Variants in CERS3 observed in about 807,000 individuals in gnomAD.
The protein encoded by CERS3 is ceramide synthase 3.
Under a neutral mutation model 50.3 loss-of-function variants are expected in CERS3, and 33 were observed. The observed-to-expected ratio is 0.66, with a 90% CI of 0.50 to 0.88. The LOEUF is 0.88. Ranked by LOEUF, CERS3 falls within the 40% of genes least tolerant of loss-of-function variation. The probability of loss-of-function intolerance (pLI) is 0.00; values close to 1 mark genes in which losing one functional copy is unlikely to be tolerated. For missense variants in CERS3, 470 were observed against 460.3 expected (o/e 1.02, Z -0.19); for synonymous variants, 176 against 155.2 (o/e 1.13, Z -0.99).
At chr15:100,463,435 G>GA (rs71151951) in intron 10 of CERS3, among the ~76,000 whole-genome samples, 70,740 of 92,790 alleles carry the variant, frequency 0.76, 27,545 homozygotes, top group Middle Eastern at 0.86. Flanking sequence ...CTCTGTCTCA[G>GA]AAAAAAAAAA....
At chr15:100,535,017 G>T (rs1037982826) in intron 1 of CERS3, among the ~76,000 whole-genome samples, 1 of 152,018 alleles carries the variant, frequency 6.6e-6, no homozygotes, top group Non-Finnish European at 1.5e-5. Context: ...TACATGTGTT[G>T]ATGTCTCATG....
chr15:100,411,286 C>A (rs1449103278), intron 11 of CERS3, among the ~76,000 whole-genome samples: 2 of 152,152 alleles, frequency 1.3e-5, no homozygotes, highest in African/African-American at 4.8e-5. Flanking sequence ...CTCAGCCTCC[C>A]AAGTAGCTGG....
At chr15:100,415,161 CAT>C (rs747449642) in intron 11 of CERS3, among the ~76,000 whole-genome samples, 3 of 152,178 alleles carry the variant, frequency 2.0e-5, no homozygotes, top group Non-Finnish European at 4.4e-5. Context: ...ATCCAACAAA[CAT>C]ATGAGAAAAA....
rs139639030 is a variant in CERS3 at position 100,468,275 on chromosome 15, A to G, written c.845+1103T>C. Among the ~76,000 whole-genome samples, 331 of 152,292 alleles carry G rather than the reference A, an allele frequency of 2.2e-3. 4 individuals carry two copies. Among genetic ancestry groups the G allele is most frequent in the Admixed American group, 1.9e-3 (29 of 15,294 alleles). On this transcript the variant is annotated intron_variant, in intron 10 of 11. Transcript: ENST00000679737. Reference sequence around the variant, plus strand: ...GCCAACCCTTATTTCCATTTTACATATGAGAAAACTGAGGCACAGAGAGGT... The same window carrying G: ...GCCAACCCTTATTTCCATTTTACATGTGAGAAAACTGAGGCACAGAGAGGT...
intron 11 of CERS3, among the ~76,000 whole-genome samples, chr15:100,447,856 C>T (rs1019980484): frequency 1.3e-5 from 2 of 152,218 alleles, no homozygotes; most frequent in Non-Finnish European, 2.9e-5. Context: ...TCTTATTCAT[C>T]TCTGTTGCCT....
chr15:100,491,298 G>T (rs1377482518), intron 3 of CERS3, among the ~76,000 whole-genome samples: 2 of 152,120 alleles, frequency 1.3e-5, no homozygotes, highest in Non-Finnish European at 2.9e-5. Context: ...TTATCTTAAA[G>T]AAATTACTAC....
chr15:100,426,401 A>G (rs1486714822), intron 11 of CERS3, among the ~76,000 whole-genome samples: 1 of 152,250 alleles, frequency 6.6e-6, no homozygotes, highest in Non-Finnish European at 1.5e-5. Flanking sequence ...TTTAAAATAC[A>G]GAAAATAATA....
chr15:100,440,909 C>T (rs1475153989), intron 11 of CERS3, among the ~76,000 whole-genome samples: 1 of 152,158 alleles, frequency 6.6e-6, no homozygotes, highest in African/African-American at 2.4e-5. Flanking sequence ...ATGTTTTATC[C>T]ATGGACCCAA....
intron 1 of CERS3, among the ~76,000 whole-genome samples, chr15:100,536,810 G>GCAC (rs2037085668): frequency 6.6e-6 from 1 of 152,152 alleles, no homozygotes; most frequent in African/African-American, 2.4e-5. Context: ...TATATGAGTT[G>GCAC]CACCACCACT....
chr15:100,540,359 A>G (rs1004305213), intron 1 of CERS3, among the ~76,000 whole-genome samples: 1 of 152,212 alleles, frequency 6.6e-6, no homozygotes, highest in Non-Finnish European at 1.5e-5. Flanking sequence ...CCTGGCCAAC[A>G]TGGCAAAACC....
intron 11 of CERS3, among the ~76,000 whole-genome samples, chr15:100,450,673 CA>C (rs2075811477): frequency 6.6e-6 from 1 of 152,092 alleles, no homozygotes; most frequent in South Asian, 2.1e-4. Context: ...CCCAAGTTTG[CA>C]AGAGATTTAG....
At chr15:100,530,967 C>G (rs2036924078), upstream of CERS3, among the ~76,000 whole-genome samples, 4 of 151,764 alleles carry the variant, frequency 2.6e-5, no homozygotes, top group Admixed American at 2.6e-4. Context: ...GCCTGTAATC[C>G]CAGCTACTCG....
chr15:100,541,256 G>A (rs546608321), intron 1 of CERS3, among the ~76,000 whole-genome samples: 1 of 152,220 alleles, frequency 6.6e-6, no homozygotes, highest in Non-Finnish European at 1.5e-5. Context: ...TGGATCACCT[G>A]AGGTTGGGAG....
At position 100,462,711 on chromosome 15, in the gene CERS3, T is replaced by C. The variant is rs527806506; in HGVS notation, c.846-6665A>G. On this transcript the variant is annotated intron_variant, in intron 10 of 11. Coordinates refer to ENST00000679737, the MANE Select transcript of CERS3 (RefSeq NM_001378789.1). ...GTACCTTAACTCTTCATCTGAGAAA[T>C]AAATGTGGTGTCTAAATGTTTCAAC... Among the ~76,000 whole-genome samples, 66 of 152,274 alleles carry C rather than the reference T, an allele frequency of 4.3e-4. No homozygotes were observed. In the South Asian group the frequency reaches 0.011, roughly 26 times the overall value.
intron 10 of CERS3, among the ~76,000 whole-genome samples, chr15:100,468,257 CTT>C (rs2034848302): frequency 6.6e-6 from 1 of 152,100 alleles, no homozygotes; most frequent in African/African-American, 2.4e-5. Context: ...CATGCCAACC[CTT>C]ATTTCCATTT....
intron 11 of CERS3, among the ~76,000 whole-genome samples, chr15:100,442,518 G>A (rs139515623): frequency 0.014 from 2,113 of 152,222 alleles, 52 homozygotes; most frequent in African/African-American, 0.047. Flanking sequence ...GAACTGCAGC[G>A]GCCAGGCATT....
chr15:100,499,342 A>G (rs1037548016), intron 3 of CERS3, among the ~76,000 whole-genome samples: 5 of 152,226 alleles, frequency 3.3e-5, no homozygotes, highest in African/African-American at 1.2e-4. Flanking sequence ...TCTGGACAAA[A>G]TAAAAATCAA....
chr15:100,405,787 ACT>A (rs1402730561), intron 11 of CERS3, among the ~76,000 whole-genome samples: 1 of 152,186 alleles, frequency 6.6e-6, no homozygotes, highest in Non-Finnish European at 1.5e-5. Flanking sequence ...AATTCACAAA[ACT>A]CTACATCAAC....
At chr15:100,468,684 A>G (rs546890982) in intron 10 of CERS3, among the ~76,000 whole-genome samples, 1 of 152,228 alleles carries the variant, frequency 6.6e-6, no homozygotes, top group African/African-American at 2.4e-5. Context: ...TCTTCCCCAC[A>G]TGTTACTCTG....
Sources: gnomAD v4.1 joint callset for allele counts (sites outside exome capture counted in the v4.1 genomes callset) on GRCh38, gnomAD v4.1.1 for gene constraint, MANE v1.5 for transcripts, NCBI Gene and HGNC (gene_info 2026-07-23, HGNC 2026-07-21) for gene names.